Variants in SORCS3 observed in about 807,000 individuals in gnomAD.
The protein encoded by SORCS3 is sortilin related VPS10 domain containing receptor 3.
Under a neutral mutation model 146.3 loss-of-function variants are expected in SORCS3, and 57 were observed. That is an observed-to-expected ratio of 0.39 (90% CI 0.31 to 0.49). The LOEUF is 0.49. Among genes scored for constraint, SORCS3 ranks in the 20% least tolerant of loss-of-function variants. The pLI is 0.92. For synonymous variants in SORCS3, 653 were observed against 618.5 expected, an observed-to-expected ratio of 1.06 and a Z score of -0.83; for missense variants, 1,341 against 1,575.5, an observed-to-expected ratio of 0.85 and a Z score of 2.52.
chr10:104,740,205 A>G (rs1450832873), intron 1 of SORCS3, among the ~76,000 whole-genome samples: 2 of 152,230 alleles, frequency 1.3e-5, no homozygotes, highest in Non-Finnish European at 2.9e-5. Context: ...TTTATGACAA[A>G]TTCCTTCAAA....
chr10:104,739,489 A>G (rs1455239887), intron 1 of SORCS3, among the ~76,000 whole-genome samples: 1 of 152,168 alleles, frequency 6.6e-6, no homozygotes, highest in Non-Finnish European at 1.5e-5. Flanking sequence ...AGGAGTACTG[A>G]AAGCACTCGG....
intron 1 of SORCS3, among the ~76,000 whole-genome samples, chr10:104,646,042 A>G (rs1385841733): frequency 6.6e-6 from 1 of 152,244 alleles, no homozygotes; most frequent in Non-Finnish European, 1.5e-5. Context: ...AATTAGTATT[A>G]CAAGGGGAAA....
At chr10:105,166,225 C>T (rs991799232) in intron 12 of SORCS3, among the ~76,000 whole-genome samples, 1 of 152,066 alleles carries the variant, frequency 6.6e-6, no homozygotes, top group Non-Finnish European at 1.5e-5. Flanking sequence ...ATAGGAGGCC[C>T]CATTCCTCTT....
At chr10:104,836,683 C>T (rs74155052) in intron 1 of SORCS3, among the ~76,000 whole-genome samples, 18,480 of 152,098 alleles carry the variant, frequency 0.12, 1,190 homozygotes, top group South Asian at 0.24. Flanking sequence ...CAAGTGCAAT[C>T]CCACTCTCCT....
At chr10:105,048,022 A>T (rs567826336) in intron 5 of SORCS3, among the ~76,000 whole-genome samples, 112 of 152,270 alleles carry the variant, frequency 7.4e-4, no homozygotes, top group African/African-American at 1.9e-3. Flanking sequence ...ATCATGAAAA[A>T]GTCAGGAAAC....
intron 14 of SORCS3, among the ~76,000 whole-genome samples, chr10:105,196,432 T>C (rs2056544567): frequency 6.6e-6 from 1 of 152,120 alleles, no homozygotes; most frequent in African/African-American, 2.4e-5. Flanking sequence ...GGAGAAACAC[T>C]GTCTCTATTA....
In SORCS3 at chr10:104,696,552, G is replaced by GAATATATATTATATACATATATAATATAT. The variant is rs2016205194; in HGVS notation, c.627+54606_627+54607insTTATATACATATATAATATATAATATATA. On this transcript the variant is annotated intron_variant, in intron 1 of 26. Coordinates refer to ENST00000369701, the MANE Select transcript of SORCS3 (RefSeq NM_014978.3). ...ATATATTATATACATATATAATATA[G>GAATATATATTATATACATATATAATATAT]AATATATAATATACGTATATAATAT... Among the ~76,000 whole-genome samples, 2 of 28,200 alleles carry GAATATATATTATATACATATATAATATAT rather than the reference G, an allele frequency of 7.1e-5. 1 individual carries two copies. Among genetic ancestry groups the GAATATATATTATATACATATATAATATAT allele is most frequent in the African/African-American group, 2.4e-4 (2 of 8,248 alleles). 18.5% of individuals were successfully genotyped at this position (28,200 alleles called of 152,430 possible). A position where few individuals can be genotyped will look rare whatever the true frequency, so the allele number is the denominator to read the frequency against.
chr10:105,178,869 C>A (rs1451756961), intron 14 of SORCS3, among the ~76,000 whole-genome samples: 1 of 152,038 alleles, frequency 6.6e-6, no homozygotes, highest in Admixed American at 6.6e-5. Context: ...TCTTGTTGGG[C>A]AAAATTAAGG....
At chr10:104,746,014 G>GATA (rs2016904531) in intron 1 of SORCS3, among the ~76,000 whole-genome samples, 2 of 152,132 alleles carry the variant, frequency 1.3e-5, no homozygotes, top group Admixed American at 1.3e-4. Context: ...ATATCAAAAG[G>GATA]ATAAGTACAT....
intron 2 of SORCS3, among the ~76,000 whole-genome samples, chr10:104,844,950 CCACTT>C (rs2018186750): frequency 6.6e-6 from 1 of 152,194 alleles, no homozygotes; most frequent in Non-Finnish European, 1.5e-5. Flanking sequence ...ATCATTCAGT[CCACTT>C]CACTAAGTCT....
At chr10:105,236,076 C>G (rs958686611) in intron 20 of SORCS3, among the ~76,000 whole-genome samples, 4 of 152,084 alleles carry the variant, frequency 2.6e-5, no homozygotes, top group African/African-American at 9.7e-5. Flanking sequence ...ATATGTGCCT[C>G]ATATTTTCAA....
At position 104,641,731 on chromosome 10, in the gene SORCS3, A is replaced by T; in HGVS notation, c.404A>T (p.Gln135Leu). 6.5e-7 allele frequency: 1 copy of T among 1,544,178 alleles called. No homozygotes were observed. The highest frequency in any genetic ancestry group is 2.5e-5 in the East Asian group (1 of 40,604). Reference sequence around the variant, plus strand: ...GGCGCGAGGAGGAGTCGCCGGGCGCAGCCCCCAATCACCCAGGAACGCGGG... The same window carrying T: ...GGCGCGAGGAGGAGTCGCCGGGCGCTGCCCCCAATCACCCAGGAACGCGGG... ...LGGARRSRRA[Q>L]PPITQERGDA... The change falls in exon 1 of 27, where the codon CAG becomes CTG. Residue 135 changes from glutamine (Q) to leucine (L), a missense_variant. Physicochemically the swap from Gln to Leu is moderately radical, Grantham distance 113. Coordinates refer to ENST00000369701, the MANE Select transcript of SORCS3 (RefSeq NM_014978.3). This position sits in a 1 kb window ranked among gnomAD's most constrained non-coding sequence, Gnocchi z 6.4.
intron 3 of SORCS3, among the ~76,000 whole-genome samples, chr10:104,916,738 A>G (rs1054098066): frequency 6.6e-6 from 1 of 152,148 alleles, no homozygotes; most frequent in African/African-American, 2.4e-5. Flanking sequence ...TGACCATATT[A>G]AAGGTCATTT....
At chr10:105,181,185 G>GGAA (rs1413514531) in intron 14 of SORCS3, among the ~76,000 whole-genome samples, 1 of 152,158 alleles carries the variant, frequency 6.6e-6, no homozygotes, top group Non-Finnish European at 1.5e-5. Context: ...ATTATTAAAT[G>GGAA]GAAGAATCAA....
chr10:105,197,765 A>T (rs1589684037), intron 14 of SORCS3, among the ~76,000 whole-genome samples: 1 of 152,136 alleles, frequency 6.6e-6, no homozygotes, highest in East Asian at 1.9e-4. Context: ...AGGTGACATC[A>T]CACCTTATTA....
At chr10:105,142,773 A>C (rs1324177551) in intron 8 of SORCS3, among the ~76,000 whole-genome samples, 2 of 152,126 alleles carry the variant, frequency 1.3e-5, no homozygotes, top group Non-Finnish European at 2.9e-5. Context: ...CAGGTATTGC[A>C]AGTCGTTTCA....
intron 20 of SORCS3, among the ~76,000 whole-genome samples, chr10:105,228,418 GTTTCTTGCTTTC>G (rs1049253672): frequency 2.1e-5 from 3 of 140,084 alleles, no homozygotes; most frequent in Non-Finnish European, 4.7e-5. Flanking sequence ...TTCTTTCTCT[GTTTCTTGCTTTC>G]TTTCTTGCTC....
intron 3 of SORCS3, among the ~76,000 whole-genome samples, chr10:104,970,842 A>G (rs1008397835): frequency 6.7e-6 from 1 of 149,742 alleles, no homozygotes; most frequent in Non-Finnish European, 1.5e-5. Flanking sequence ...ATACTAATAT[A>G]TGCTCTGGGT....
At chr10:104,689,007 C>T (rs2016082382) in intron 1 of SORCS3, among the ~76,000 whole-genome samples, 1 of 152,218 alleles carries the variant, frequency 6.6e-6, no homozygotes, top group Non-Finnish European at 1.5e-5. Flanking sequence ...AGAGTGGCCT[C>T]TTACTCAGTT....
Sources: gnomAD v4.1 joint callset for allele counts (sites outside exome capture counted in the v4.1 genomes callset) on GRCh38, gnomAD v4.1.1 for gene constraint, Gnocchi (gnomAD v3.1) non-coding constraint, MANE v1.5 for transcripts, NCBI Gene and HGNC (gene_info 2026-07-23, HGNC 2026-07-21) for gene names.